The following DYM variants were observed in gnomAD, a reference collection of about 807,000 sequenced individuals.
DYM encodes dymeclin.
DYM carries 78 observed loss-of-function variants against 93.1 expected under a neutral mutation model. That is an observed-to-expected ratio of 0.84 (90% confidence interval 0.70 to 1.01). The LOEUF is 1.01. Ranked by LOEUF, DYM falls within the 50% of genes least tolerant of loss-of-function variation. The probability of loss-of-function intolerance (pLI) is 0.00; values close to 1 mark genes in which losing one functional copy is unlikely to be tolerated. For missense variants in DYM, 789 were observed against 845.0 expected, an observed-to-expected ratio of 0.93 and a Z score of 0.82; for synonymous variants, 321 against 319.7, an observed-to-expected ratio of 1.00 and a Z score of -0.04.
intron 3 of DYM, among the ~76,000 whole-genome samples, chr18:49,380,040 A>C (rs1055085653): frequency 1.3e-5 from 2 of 152,088 alleles, no homozygotes; most frequent in African/African-American, 4.8e-5. Flanking sequence ...AATAGTTAAT[A>C]GACACATTCA....
chr18:49,214,111 G>T (rs1193665374), intron 13 of DYM, among the ~76,000 whole-genome samples: 1 of 152,102 alleles, frequency 6.6e-6, no homozygotes, highest in African/African-American at 2.4e-5. Flanking sequence ...GGGATTCAGT[G>T]GTACAAAAAG....
At chr18:49,403,352 G>T (rs1479407990) in intron 2 of DYM, among the ~76,000 whole-genome samples, 1 of 152,092 alleles carries the variant, frequency 6.6e-6, no homozygotes, top group Non-Finnish European at 1.5e-5. Flanking sequence ...AGATGACAAA[G>T]AAAATCAACA....
At chr18:49,441,271 ATATAT>A (rs1383046277) in intron 1 of DYM, among the ~76,000 whole-genome samples, 605 of 39,354 alleles carry the variant, frequency 0.015, 37 homozygotes, top group African/African-American at 0.056. Context: ...ATTATATAAT[ATATAT>A]TATATAATTA....
At chr18:49,438,789 C>A (rs2081074737) in intron 1 of DYM, among the ~76,000 whole-genome samples, 1 of 152,282 alleles carries the variant, frequency 6.6e-6, no homozygotes, top group South Asian at 2.1e-4. Flanking sequence ...CAGAAAGATC[C>A]ACCTGCTCCC....
chr18:49,245,973 A>C (rs2094155457), intron 13 of DYM, among the ~76,000 whole-genome samples: 1 of 152,222 alleles, frequency 6.6e-6, no homozygotes, highest in Non-Finnish European at 1.5e-5. Flanking sequence ...GGTTCCCCCG[A>C]TAGGTGACTG....
intron 13 of DYM, among the ~76,000 whole-genome samples, chr18:49,256,320 G>C (rs1205499322): frequency 6.6e-6 from 1 of 152,148 alleles, no homozygotes; most frequent in Non-Finnish European, 1.5e-5. Context: ...ACATGGAAGA[G>C]GGAACCACAA....
intron 3 of DYM, among the ~76,000 whole-genome samples, chr18:49,380,010 T>A (rs1331517266): frequency 2.0e-5 from 3 of 152,036 alleles, no homozygotes; most frequent in African/African-American, 7.2e-5. Flanking sequence ...TATCTCAGAA[T>A]CCAAAATCAT....
At chr18:49,399,428 G>A (rs1237773628) in intron 2 of DYM, among the ~76,000 whole-genome samples, 1 of 152,090 alleles carries the variant, frequency 6.6e-6, no homozygotes, top group African/African-American at 2.4e-5. Flanking sequence ...CTAGACGGCT[G>A]GAATACCAAG....
chr18:49,416,275 A>G (rs74566903), intron 2 of DYM, among the ~76,000 whole-genome samples: 13,904 of 152,210 alleles, frequency 0.091, 852 homozygotes, highest in East Asian at 0.31. Context: ...TACAAAAGCA[A>G]CAACAGGTTC....
intron 5 of DYM, among the ~76,000 whole-genome samples, chr18:49,373,908 T>G (rs1458836570): frequency 6.6e-6 from 1 of 152,096 alleles, no homozygotes; most frequent in Non-Finnish European, 1.5e-5. Flanking sequence ...TTGGTACTAC[T>G]GGCATCACAA....
chr18:49,308,743 G>A (rs1050651014), intron 8 of DYM, among the ~76,000 whole-genome samples: 2 of 152,098 alleles, frequency 1.3e-5, no homozygotes, highest in Non-Finnish European at 2.9e-5. Context: ...AAGAACAGGG[G>A]AACCATTTTT....
chr18:49,163,594 T>C, intron 15 of DYM, 91 bp downstream of exon 15: 1 of 809,450 alleles, frequency 1.2e-6, no homozygotes, highest in East Asian at 2.9e-5. Context: ...TCCATCTGCC[T>C]CGGCCTCCCA....
At chr18:49,409,574 T>G (rs1316973444) in intron 2 of DYM, among the ~76,000 whole-genome samples, 2 of 152,128 alleles carry the variant, frequency 1.3e-5, no homozygotes, top group Non-Finnish European at 2.9e-5. Context: ...CCTTCATTCA[T>G]CAACAGAGTA....
At chr18:49,410,647 CAA>C (rs200205718) in intron 2 of DYM, among the ~76,000 whole-genome samples, 13,499 of 134,702 alleles carry the variant, frequency 0.1, 805 homozygotes, top group East Asian at 0.32. Context: ...TTTTCTCTAC[CAA>C]AAAAAAAAAA....
intron 1 of DYM, among the ~76,000 whole-genome samples, chr18:49,447,970 C>T (rs1049090717): frequency 5.9e-5 from 9 of 152,138 alleles, no homozygotes; most frequent in African/African-American, 1.9e-4. Context: ...TCTCTCTCTG[C>T]CCTTGGTCTA....
intron 8 of DYM, among the ~76,000 whole-genome samples, chr18:49,327,688 A>C (rs746963189): frequency 9.9e-5 from 15 of 152,138 alleles, no homozygotes; most frequent in Non-Finnish European, 1.8e-4. Flanking sequence ...ATTTTCTGTA[A>C]TAAAATGTTA....
intron 6 of DYM, chr18:49,359,927 G>C (rs1276775176): frequency 1.3e-5 from 2 of 152,320 alleles, no homozygotes; most frequent in East Asian, 3.9e-4. Context: ...TTAAAGAGTA[G>C]TTTGGTTTCA....
At chr18:49,420,883 G>A (rs1568415096) in intron 2 of DYM, among the ~76,000 whole-genome samples, 1 of 152,156 alleles carries the variant, frequency 6.6e-6, no homozygotes, top group Non-Finnish European at 1.5e-5. Flanking sequence ...CTGGCTCGGA[G>A]GGTCCCACAC....
chr18:49,265,646 C>T (rs1193718248), intron 11 of DYM, among the ~76,000 whole-genome samples: 7 of 151,594 alleles, frequency 4.6e-5, no homozygotes, highest in South Asian at 2.1e-4. Context: ...GGTGTGGTGG[C>T]GGGCGCCTGT....
Sources: gnomAD v4.1 joint callset for allele counts (sites outside exome capture counted in the v4.1 genomes callset) on GRCh38, gnomAD v4.1.1 for gene constraint, MANE v1.5 for transcripts, NCBI Gene and HGNC (gene_info 2026-07-23, HGNC 2026-07-21) for gene names.